MECOM: variants seen among roughly 807,000 people sequenced by gnomAD.
The protein encoded by MECOM is MDS1 and EVI1 complex locus.
A neutral mutation model predicts 116.3 loss-of-function variants in MECOM; 13 were observed. The ratio of observed to expected loss-of-function variants is 0.11; its 90% CI spans 0.07 to 0.18. The LOEUF (loss-of-function observed/expected upper bound fraction) is 0.18. Among genes scored for constraint, MECOM ranks in the 10% least tolerant of loss-of-function variants. The pLI is 1.00. For missense variants in MECOM, 1,299 were observed against 1,509.0 expected (o/e 0.86, Z 2.31); for synonymous variants, 528 against 535.2 (o/e 0.99, Z 0.19).
At chr3:169,662,874 C>A (rs1484934603) in intron 1 of MECOM, among the ~76,000 whole-genome samples, 1 of 151,712 alleles carries the variant, frequency 6.6e-6, no homozygotes, top group Non-Finnish European at 1.5e-5. Flanking sequence ...CTCCTGCCGG[C>A]CCCCCATCCC....
intron 1 of MECOM, among the ~76,000 whole-genome samples, chr3:169,435,662 T>C (rs1742501244): frequency 6.6e-6 from 1 of 152,220 alleles, no homozygotes; most frequent in Admixed American, 6.5e-5. Context: ...TTAAAATATA[T>C]ATTTTCTTGC....
At chr3:169,314,099 C>G (rs377490184) in intron 2 of MECOM, among the ~76,000 whole-genome samples, 4 of 152,352 alleles carry the variant, frequency 2.6e-5, no homozygotes, top group African/African-American at 9.6e-5. Context: ...CAATTAGCTA[C>G]ACTTTGCTAG....
chr3:169,556,594 G>A (rs1010356786), intron 1 of MECOM, among the ~76,000 whole-genome samples: 3 of 152,148 alleles, frequency 2.0e-5, no homozygotes, highest in African/African-American at 7.2e-5. Context: ...GTGTGAGCTG[G>A]ATTCAGTGAC....
chr3:169,091,722 G>A (rs961273124), intron 14 of MECOM, among the ~76,000 whole-genome samples: 5 of 151,990 alleles, frequency 3.3e-5, no homozygotes, highest in Non-Finnish European at 5.9e-5. Context: ...GAGACTGGAA[G>A]GGTCTTTTTT....
chr3:169,319,967 T>C (rs1720565947), intron 2 of MECOM, among the ~76,000 whole-genome samples: 1 of 152,238 alleles, frequency 6.6e-6, no homozygotes, highest in South Asian at 2.1e-4. Context: ...CCCCTTCACA[T>C]GTTCAAAGGA....
chr3:169,309,257 C>T (rs1718301531), intron 2 of MECOM, among the ~76,000 whole-genome samples: 1 of 152,118 alleles, frequency 6.6e-6, no homozygotes, highest in Non-Finnish European at 1.5e-5. Context: ...GTTTCTATGA[C>T]ATATGCAAGT....
chr3:169,168,223 T>C (rs749905922), intron 2 of MECOM, among the ~76,000 whole-genome samples: 6 of 152,118 alleles, frequency 3.9e-5, no homozygotes, highest in Non-Finnish European at 8.8e-5. Context: ...TGTTTGTTTA[T>C]TTGTTTTTAG....
In MECOM at chr3:169,169,616, C is replaced by G. The variant is rs540718244; in HGVS notation, c.376-25784G>C. Among the ~76,000 whole-genome samples, 139 of 151,892 alleles carry G rather than the reference C, an allele frequency of 9.2e-4. 1 individual carries two copies. The highest frequency in any genetic ancestry group is 1.2e-3 in the Non-Finnish European group (82 of 67,920). On this transcript the variant is annotated intron_variant, in intron 2 of 16. Transcript: ENST00000651503. ...AAAGAAACCTAAGTGTCATCCAAAA[C>G]TCAGTACCTCTTGTACTTAAAAAAA...
intron 1 of MECOM, among the ~76,000 whole-genome samples, chr3:169,472,725 GGGAA>G (rs139566154): frequency 0.64 from 77,072 of 120,324 alleles, 26,847 homozygotes; most frequent in African/African-American, 0.77. Context: ...GGGAGGGAGG[GGGAA>G]GGAAGGAAGG....
At chr3:169,187,279 TTTA>T (rs1746908279) in intron 2 of MECOM, among the ~76,000 whole-genome samples, 1 of 152,168 alleles carries the variant, frequency 6.6e-6, no homozygotes, top group African/African-American at 2.4e-5. Flanking sequence ...AGAGTTTCAA[TTTA>T]ACCAAACGCT....
rs763037576 is a variant in MECOM at position 169,122,712 on chromosome 3, C to T, written c.846G>A (p.Met282Ile). ...FPDLQSLEKHMLSHTEEREYK... is the reference protein window; with the variant it reads ...FPDLQSLEKHILSHTEEREYK... ...ATTCCCTCTCTTCAGTATGTGACAGCATGTGTTTCTCCAGGCTGTTAAGAG... is the reference window on the plus strand; with the variant it reads ...ATTCCCTCTCTTCAGTATGTGACAGTATGTGTTTCTCCAGGCTGTTAAGAG... The change falls in exon 6 of 17, where the codon ATG (methionine) becomes ATA (isoleucine). Residue 282 changes from methionine to isoleucine, a missense_variant. Met to Ile is a conservative substitution (Grantham distance 10, BLOSUM62 1). Coordinates refer to ENST00000651503, the MANE Select transcript of MECOM (RefSeq NM_004991.4). 3 of 1,613,742 alleles carry T rather than the reference C, an allele frequency of 1.9e-6. No individual in the cohort carries two copies. Among genetic ancestry groups the T allele is most frequent in the Non-Finnish European group, 2.5e-6 (3 of 1,179,742 alleles).
At chr3:169,641,556 G>T (rs529123742) in intron 1 of MECOM, among the ~76,000 whole-genome samples, 1 of 152,276 alleles carries the variant, frequency 6.6e-6, no homozygotes, top group East Asian at 1.9e-4. Context: ...CAAGTATGGG[G>T]CATTATCATA....
At chr3:169,347,030 T>C (rs1725476547) in intron 2 of MECOM, among the ~76,000 whole-genome samples, 1 of 152,082 alleles carries the variant, frequency 6.6e-6, no homozygotes, top group African/African-American at 2.4e-5. Context: ...TATACAATAA[T>C]TGATAAAGAA....
intron 1 of MECOM, among the ~76,000 whole-genome samples, chr3:169,453,492 C>A (rs769568810): frequency 6.6e-6 from 1 of 152,122 alleles, no homozygotes; most frequent in African/African-American, 2.4e-5. Context: ...TATGGCTTGG[C>A]ATTAGGGACA....
intron 2 of MECOM, among the ~76,000 whole-genome samples, chr3:169,355,203 G>A (rs1414875590): frequency 6.6e-6 from 1 of 151,924 alleles, no homozygotes; most frequent in East Asian, 1.9e-4. Flanking sequence ...TCCTCCATAT[G>A]CATAATTTTG....
intron 3 of MECOM, among the ~76,000 whole-genome samples, chr3:169,139,995 T>A (rs2149264528): frequency 1.3e-5 from 2 of 152,166 alleles, no homozygotes; most frequent in Non-Finnish European, 2.9e-5. Context: ...TGTAGATGTT[T>A]GGTTTACTTC....
At chr3:169,628,091 A>C (rs907819966) in intron 1 of MECOM, among the ~76,000 whole-genome samples, 1 of 152,162 alleles carries the variant, frequency 6.6e-6, no homozygotes, top group African/African-American at 2.4e-5. Context: ...CAGGGTCTCT[A>C]CCAAGAATAT....
intron 2 of MECOM, among the ~76,000 whole-genome samples, chr3:169,255,691 T>A (rs1299774593): frequency 6.6e-6 from 1 of 152,178 alleles, no homozygotes. Flanking sequence ...CTTGCACTGT[T>A]ATGACAACCA....
At chr3:169,597,456 C>T (rs1267304858) in intron 1 of MECOM, among the ~76,000 whole-genome samples, 1 of 152,168 alleles carries the variant, frequency 6.6e-6, no homozygotes, top group Non-Finnish European at 1.5e-5. Context: ...ACACAGGACC[C>T]GTGGAGAACT....
Sources: allele counts gnomAD v4.1 joint callset (sites outside exome capture counted in the v4.1 genomes callset), GRCh38; gene constraint gnomAD v4.1.1; transcripts MANE v1.5; gene names NCBI Gene and HGNC (gene_info 2026-07-23, HGNC 2026-07-21).